Variants in DYNC1I2 observed in about 807,000 individuals in gnomAD.
DYNC1I2 encodes cytoplasmic dynein 1 intermediate chain 2.
Under a neutral mutation model 88.6 loss-of-function variants are expected in DYNC1I2, and 53 were observed. That is an observed-to-expected ratio of 0.60 (90% CI 0.48 to 0.75). The LOEUF (loss-of-function observed/expected upper bound fraction) is 0.75, where lower values mean the gene tolerates loss of function less well. Among genes scored for constraint, DYNC1I2 ranks in the 30% least tolerant of loss-of-function variants. The pLI, the probability that DYNC1I2 is intolerant of heterozygous loss-of-function variation, is 0.00. For synonymous variants in DYNC1I2, 198 were observed against 254.6 expected, an observed-to-expected ratio of 0.78 and a Z score of 2.12; for missense variants, 458 against 766.6, an observed-to-expected ratio of 0.60 and a Z score of 4.75.
chr2:171,723,595 C>T lies in DYNC1I2; in HGVS notation c.512-2023C>T, dbSNP rs78324452. ...TTATACTATTTTCAGATTAATAATT[C>T]GTTGTATATGAGAATTCATCTAAAA... On this transcript the variant is annotated intron_variant, in intron 7 of 17. Coordinates refer to ENST00000397119, the MANE Select transcript of DYNC1I2 (RefSeq NM_001378.3). 7.4e-3 allele frequency among the ~76,000 whole-genome samples: 1,126 copies of T among 152,158 alleles called. 73 individuals are homozygous for T. In the East Asian group the frequency reaches 0.16, roughly 21 times the overall value.
chr2:171,729,935 A>G, intron 15 of DYNC1I2, 82 bp downstream of exon 15: 2 of 1,493,256 alleles, frequency 1.3e-6, no homozygotes, highest in Non-Finnish European at 1.8e-6. Flanking sequence ...AATGATGAAA[A>G]CCTTTTAAAT....
chr2:171,712,657 T>G, intron 5 of DYNC1I2, 110 bp from the exon 6 acceptor site: 1 of 792,772 alleles, frequency 1.3e-6, no homozygotes, highest in Non-Finnish European at 2.1e-6. Flanking sequence ...AGAACATGTG[T>G]TTTTTAATTG....
intron 7 of DYNC1I2, 35 bp downstream of exon 7, chr2:171,715,478 C>A: frequency 2.3e-6 from 3 of 1,332,764 alleles, no homozygotes; most frequent in South Asian, 1.3e-5. Context: ...TGTCATTGAG[C>A]ACCTATGTTA....
At chr2:171,730,074 T>C (rs1559397331) in intron 15 of DYNC1I2, among the ~76,000 whole-genome samples, 2 of 152,302 alleles carry the variant, frequency 1.3e-5, no homozygotes, top group East Asian at 3.9e-4. Context: ...CAAGGACCAG[T>C]CTTCCCACCA....
intron 16 of DYNC1I2, among the ~76,000 whole-genome samples, chr2:171,745,194 C>A (rs926115120): frequency 2.0e-5 from 3 of 152,150 alleles, no homozygotes; most frequent in Non-Finnish European, 4.4e-5. Flanking sequence ...AAATAAAACT[C>A]TTCTTCCTTA....
chr2:171,720,841 A>G (rs1687851657), intron 7 of DYNC1I2, among the ~76,000 whole-genome samples: 1 of 152,208 alleles, frequency 6.6e-6, no homozygotes. Flanking sequence ...ACAAAATTGA[A>G]AATTGAAGCA....
At position 171,701,444 on chromosome 2, in the gene DYNC1I2, A is replaced by G. The variant is rs929661496; in HGVS notation, c.227-5103A>G. Among the ~76,000 whole-genome samples the G allele has an allele frequency of 3.3e-5, 5 of 152,214 alleles. No homozygotes were observed. In the East Asian group the frequency reaches 9.6e-4, roughly 29 times the overall value. ...CTGGTCCTCCCAAAGTGCTGGGATT[A>G]TAGGTGTGAGCCACTGTGCCCAGCC... On this transcript the variant is annotated intron_variant, in intron 3 of 17. Coordinates refer to ENST00000397119, the MANE Select transcript of DYNC1I2 (RefSeq NM_001378.3).
intron 4 of DYNC1I2, 136 bp from the exon 5 acceptor site, chr2:171,707,151 A>T: frequency 1.6e-6 from 2 of 1,241,694 alleles, no homozygotes; most frequent in South Asian, 1.3e-5. Flanking sequence ...ATTTTCATTC[A>T]TATATTTTTG....
chr2:171,690,829 AT>A (rs1367102850), intron 2 of DYNC1I2, among the ~76,000 whole-genome samples: 1 of 151,234 alleles, frequency 6.6e-6, no homozygotes, highest in Non-Finnish European at 1.5e-5. Flanking sequence ...TAATTTTTGT[AT>A]TTTTTTGTAG....
rs1190725223 is a variant in DYNC1I2, at chr2:171,749,610, GA to G, written c.*1725del. 1.3e-5 allele frequency among the ~76,000 whole-genome samples: 2 copies of G among 152,084 alleles called. No individual in the cohort carries two copies. The highest frequency in any genetic ancestry group is 3.2e-3 in the Middle Eastern group (1 of 316). ...ACAAGTGTTAAAACATAATGGATAA[GA>G]AAAGGTTGGAAATCATATGGCAAAT... On this transcript the variant is annotated 3_prime_UTR_variant, in exon 18 of 18. Transcript: ENST00000397119.
In DYNC1I2 at chr2:171,709,763, G is replaced by A. The variant is rs547465957; in HGVS notation, c.335+2386G>A. Reference sequence around the variant, plus strand: ...ATGGCATTTCCTTCTTGTTGCCCAGGCTGGAGTGCAGTGGCACGATCTTGG... The same window carrying A: ...ATGGCATTTCCTTCTTGTTGCCCAGACTGGAGTGCAGTGGCACGATCTTGG... On this transcript the variant is annotated intron_variant, in intron 5 of 17. Coordinates refer to ENST00000397119, the MANE Select transcript of DYNC1I2 (RefSeq NM_001378.3). 3.3e-5 allele frequency among the ~76,000 whole-genome samples: 5 copies of A among 152,068 alleles called. No individual in the cohort carries two copies. The East Asian group carries it at 9.7e-4, about 29-fold the overall frequency.
chr2:171,695,546 C>T lies in DYNC1I2; in HGVS notation c.226+2652C>T, dbSNP rs117537565. ...CCATGTTGCTATATACGTATTTAGT[C>T]ATTTATTTCTAATATATAATATCCT... On this transcript the variant is annotated intron_variant, in intron 3 of 17. Coordinates refer to ENST00000397119, the MANE Select transcript of DYNC1I2 (RefSeq NM_001378.3). 1.5e-3 allele frequency among the ~76,000 whole-genome samples: 234 copies of T among 152,134 alleles called. 5 individuals carry two copies. The East Asian group carries it at 0.026, about 17-fold the overall frequency.
chr2:171,692,752 T>A (rs751338409), intron 2 of DYNC1I2, 25 bp from the exon 3 acceptor site: 24 of 1,531,192 alleles, frequency 1.6e-5, no homozygotes, highest in Non-Finnish European at 1.9e-5. Context: ...TATGTAAACA[T>A]AAGTTTTTAA....
chr2:171,702,364 A>G (rs56771338), intron 3 of DYNC1I2, among the ~76,000 whole-genome samples: 10 of 152,358 alleles, frequency 6.6e-5, no homozygotes, highest in African/African-American at 9.6e-5. Context: ...TTAGAAAATT[A>G]GGCTAAGTGC....
At chr2:171,707,725 CCT>C (rs942430177) in intron 5 of DYNC1I2, among the ~76,000 whole-genome samples, 6 of 151,930 alleles carry the variant, frequency 3.9e-5, no homozygotes, top group African/African-American at 1.2e-4. Context: ...TAGTGTAAAA[CCT>C]CTCTCTTGTG....
chr2:171,706,288 T>C (rs532412495), intron 3 of DYNC1I2, among the ~76,000 whole-genome samples: 2 of 152,212 alleles, frequency 1.3e-5, no homozygotes, highest in South Asian at 2.1e-4. Context: ...ATACTTGGGA[T>C]TGGGGACATT....
intron 3 of DYNC1I2, among the ~76,000 whole-genome samples, chr2:171,700,825 G>A (rs1400659039): frequency 6.6e-6 from 1 of 151,986 alleles, no homozygotes; most frequent in South Asian, 2.1e-4. Context: ...TGGAGATGGG[G>A]TTTCACCGTG....
At position 171,729,979 on chromosome 2, in the gene DYNC1I2, G is replaced by T. The variant is rs183672581; in HGVS notation, c.1536+126G>T. ...TTTGCTAATAGATGAAGCCTGCTAG[G>T]AAGTTACACAGAGCATGAGTGAACT... On this transcript the variant is annotated intron_variant, in intron 15 of 17. Transcript: ENST00000397119. 402 of 1,121,498 alleles carry T rather than the reference G, an allele frequency of 3.6e-4. 1 individual carries two copies. In the African/African-American group the frequency reaches 5.8e-3, roughly 16 times the overall value. 69.5% of individuals were successfully genotyped at this position (1,121,498 alleles called of 1,614,324 possible). A position where few individuals can be genotyped will look rare whatever the true frequency, so the allele number is the denominator to read the frequency against.
intron 2 of DYNC1I2, among the ~76,000 whole-genome samples, chr2:171,691,369 G>T (rs1685393134): frequency 1.3e-5 from 2 of 152,182 alleles, no homozygotes; most frequent in South Asian, 4.1e-4. Context: ...CTACAGATAT[G>T]TTTTAAATAC....
Sources: allele counts gnomAD v4.1 joint callset (sites outside exome capture counted in the v4.1 genomes callset), GRCh38; gene constraint gnomAD v4.1.1; transcripts MANE v1.5; gene names NCBI Gene and HGNC (gene_info 2026-07-23, HGNC 2026-07-21).